MAPK8: variants seen among roughly 807,000 people sequenced by gnomAD.
MAPK8 encodes the protein mitogen-activated protein kinase 8, also known as JUN N-terminal kinase.
MAPK8 carries 13 observed loss-of-function variants against 52.9 expected under a neutral mutation model. That is an observed-to-expected ratio of 0.25 (90% CI 0.16 to 0.39). The LOEUF (loss-of-function observed/expected upper bound fraction) is 0.39, where lower values mean the gene tolerates loss of function less well. MAPK8 is among the 10% of genes least tolerant of loss of function. The pLI is 1.00. For missense variants in MAPK8, 300 were observed against 519.2 expected (o/e 0.58, Z 4.10); for synonymous variants, 191 against 169.8 (o/e 1.12, Z -0.97).
intron 1 of MAPK8, among the ~76,000 whole-genome samples, chr10:48,356,472 A>G (rs1846952338): frequency 6.6e-6 from 1 of 152,350 alleles, no homozygotes. Flanking sequence ...ATATAAATCC[A>G]AATATATCAT....
intron 1 of MAPK8, among the ~76,000 whole-genome samples, chr10:48,366,148 TG>T (rs1304625703): frequency 6.6e-6 from 1 of 151,994 alleles, no homozygotes; most frequent in African/African-American, 2.4e-5. Flanking sequence ...TATAACTTTT[TG>T]TTGGAAAGGA....
At position 48,435,997 on chromosome 10, in the gene MAPK8, G is replaced by A. The variant is rs1275467668; in HGVS notation, c.*968G>A. Reference sequence around the variant, plus strand: ...AGCTTCGGGTCCTTGGACCTTTCCTGTTTCCTATTACTTGGAGTGTCTGTC... The same window carrying A: ...AGCTTCGGGTCCTTGGACCTTTCCTATTTCCTATTACTTGGAGTGTCTGTC... On this transcript the variant is annotated 3_prime_UTR_variant, in exon 12 of 12. Coordinates refer to ENST00000374189, the MANE Select transcript of MAPK8 (RefSeq NM_001323329.2). The A allele has an allele frequency of 6.6e-6, 1 of 152,120 alleles. No homozygotes were observed. The highest frequency in any genetic ancestry group is 1.5e-5 in the Non-Finnish European group (1 of 68,036). 9.4% of individuals were successfully genotyped at this position (152,120 alleles called of 1,614,324 possible).
At chr10:48,324,520 T>TTTTTTTTTTTTTTTTTTC (rs1843307756) in intron 1 of MAPK8, among the ~76,000 whole-genome samples, 1 of 150,792 alleles carries the variant, frequency 6.6e-6, no homozygotes, top group Non-Finnish European at 1.5e-5. Flanking sequence ...TTTTTTTTTT[T>TTTTTTTTTTTTTTTTTTC]ACACTCATGA....
chr10:48,342,478 T>C (rs572952416), intron 1 of MAPK8, among the ~76,000 whole-genome samples: 1 of 152,298 alleles, frequency 6.6e-6, no homozygotes, highest in East Asian at 1.9e-4. Flanking sequence ...ACAGTAGAAG[T>C]CATTGAATGA....
chr10:48,413,664 C>T (rs150286950), intron 5 of MAPK8, among the ~76,000 whole-genome samples: 2 of 151,624 alleles, frequency 1.3e-5, no homozygotes, highest in South Asian at 2.1e-4. Context: ...CTTAGTATCA[C>T]TGTATTTCAC....
chr10:48,356,867 AAAAAAAAAAAAAAT>A, intron 1 of MAPK8, among the ~76,000 whole-genome samples: 1 of 140,770 alleles, frequency 7.1e-6, no homozygotes, highest in Non-Finnish European at 1.5e-5. Context: ...AAAAAAAAAA[AAAAAAAAAAAAAAT>A]CCAACTACGT....
rs552585424 is a variant in MAPK8 at position 48,313,510 on chromosome 10, G to T, written c.-50+6689G>T. Among the ~76,000 whole-genome samples the T allele has an allele frequency of 2.0e-5, 3 of 151,332 alleles. No individual in the cohort carries two copies. In the East Asian group the frequency reaches 5.8e-4, roughly 29 times the overall value. On this transcript the variant is annotated intron_variant, in intron 1 of 11. Coordinates refer to ENST00000374189, the MANE Select transcript of MAPK8 (RefSeq NM_001323329.2). The stretch of plus-strand genomic sequence containing the variant: ...TTTTATAAAAGCATAACAAATACAA[G>T]TAGGGTGAATAAAGATTATAAAATC...
At chr10:48,433,366 C>T (rs1282850439) in intron 11 of MAPK8, among the ~76,000 whole-genome samples, 2 of 152,108 alleles carry the variant, frequency 1.3e-5, no homozygotes, top group African/African-American at 4.8e-5. Context: ...TGTTTCAGTA[C>T]AAGTCTTAGA....
chr10:48,361,203 G>A (rs750895492), intron 1 of MAPK8, among the ~76,000 whole-genome samples: 1 of 152,120 alleles, frequency 6.6e-6, no homozygotes, highest in Non-Finnish European at 1.5e-5. Flanking sequence ...ATTTCCGTAC[G>A]TCTGTTGCAT....
chr10:48,368,816 A>G (rs367952339), intron 1 of MAPK8, among the ~76,000 whole-genome samples: 2 of 152,202 alleles, frequency 1.3e-5, no homozygotes, highest in East Asian at 3.8e-4. Flanking sequence ...GGAACCAGAC[A>G]TGGTTCAGTA....
chr10:48,332,664 C>CT (rs1404445273), intron 1 of MAPK8, among the ~76,000 whole-genome samples: 1 of 152,238 alleles, frequency 6.6e-6, no homozygotes, highest in Non-Finnish European at 1.5e-5. Context: ...AACCTGTTTG[C>CT]TACAGCTTCT....
At chr10:48,413,846 TATATATATA>T (rs2042909620) in intron 5 of MAPK8, among the ~76,000 whole-genome samples, 1 of 126,846 alleles carries the variant, frequency 7.9e-6, no homozygotes, top group South Asian at 2.4e-4. Context: ...TATATATATA[TATATATATA>T]TATATTCAGA....
chr10:48,402,331 A>G (rs1374840429), intron 2 of MAPK8, among the ~76,000 whole-genome samples: 1 of 152,220 alleles, frequency 6.6e-6, no homozygotes, highest in Non-Finnish European at 1.5e-5. Context: ...CCCATAGATA[A>G]TTGTTTAATA....
intron 1 of MAPK8, among the ~76,000 whole-genome samples, chr10:48,361,043 ATT>A (rs549772224): frequency 6.6e-6 from 1 of 151,960 alleles, no homozygotes; most frequent in Admixed American, 6.6e-5. Context: ...GAAGTGGTTG[ATT>A]TTTTTTAAAG....
intron 1 of MAPK8, among the ~76,000 whole-genome samples, chr10:48,369,247 CAG>C (rs1298454629): frequency 6.6e-6 from 1 of 152,094 alleles, no homozygotes; most frequent in Non-Finnish European, 1.5e-5. Flanking sequence ...TGCCCTGAAT[CAG>C]GGGTAAGTAA....
At chr10:48,350,232 A>G (rs1846175325) in intron 1 of MAPK8, among the ~76,000 whole-genome samples, 1 of 152,230 alleles carries the variant, frequency 6.6e-6, no homozygotes, top group African/African-American at 2.4e-5. Context: ...TACTCCAAAC[A>G]ATAGAAAAAG....
chr10:48,395,346 G>T (rs936980529), intron 1 of MAPK8, among the ~76,000 whole-genome samples: 1 of 151,994 alleles, frequency 6.6e-6, no homozygotes, highest in East Asian at 1.9e-4. Flanking sequence ...TCAGAAATAG[G>T]CCCAGACACA....
intron 1 of MAPK8, among the ~76,000 whole-genome samples, chr10:48,351,885 G>A (rs1439196626): frequency 6.6e-6 from 1 of 152,136 alleles, no homozygotes; most frequent in Non-Finnish European, 1.5e-5. Context: ...ATGCTCCAGT[G>A]AGCATTTGCT....
At chr10:48,359,866 C>CTT (rs1331271279) in intron 1 of MAPK8, among the ~76,000 whole-genome samples, 2 of 152,128 alleles carry the variant, frequency 1.3e-5, no homozygotes, top group African/African-American at 4.8e-5. Context: ...GATTCTTAAT[C>CTT]AAGACACAGA....
Sources: gnomAD v4.1 joint callset for allele counts (sites outside exome capture counted in the v4.1 genomes callset) on GRCh38, gnomAD v4.1.1 for gene constraint, MANE v1.5 for transcripts, NCBI Gene and HGNC (gene_info 2026-07-23, HGNC 2026-07-21) for gene names.